ZBTB47: variants seen among roughly 807,000 people sequenced by gnomAD.
ZBTB47 encodes the protein zinc finger and BTB domain containing 47.
ZBTB47 carries 24 observed loss-of-function variants against 56.6 expected under a neutral mutation model. The observed-to-expected ratio is 0.42, with a 90% CI of 0.31 to 0.60. The LOEUF (loss-of-function observed/expected upper bound fraction) is 0.60. ZBTB47 is among the 20% of genes least tolerant of loss of function. The pLI is 0.14. For synonymous variants in ZBTB47, 414 were observed against 418.9 expected, an observed-to-expected ratio of 0.99 and a Z score of 0.14; for missense variants, 829 against 1,032.6, an observed-to-expected ratio of 0.80 and a Z score of 2.70.
rs57179407 is a variant in ZBTB47 at position 42,667,374 on chromosome 3, C to T, written c.*2776C>T. Among the ~76,000 whole-genome samples the T allele has an allele frequency of 0.025, 3,860 of 152,310 alleles. 135 individuals are homozygous for T. The highest frequency in any genetic ancestry group is 0.087 in the African/African-American group (3,609 of 41,556). Reference sequence around the variant, plus strand: ...GAACTCAAGCCCTGTGGCCACAGTTCTGGGAGCCTTCAACCCTGGCTCATG... The same window carrying T: ...GAACTCAAGCCCTGTGGCCACAGTTTTGGGAGCCTTCAACCCTGGCTCATG... On this transcript the variant is annotated 3_prime_UTR_variant, in exon 6 of 6. Transcript: ENST00000232974.
chr3:42,662,955 C>G, intron 3 of ZBTB47, 57 bp from the exon 4 acceptor site: 1 of 1,340,776 alleles, frequency 7.5e-7, no homozygotes, highest in East Asian at 2.3e-5. Flanking sequence ...CTGGGCCCAA[C>G]GTCGGGGTGC....
chr3:42,659,315 C>G lies in ZBTB47; in HGVS notation c.960C>G (p.Asp320Glu). ...SQGEEEEEEE[D>E]GHSEQEEEEE... Reference sequence around the variant, plus strand: ...GAGAAGAGGAAGAAGAGGAGGAGGACGGGCACAGTGAGCAGGAAGAGGAAG... The same window carrying G: ...GAGAAGAGGAAGAAGAGGAGGAGGAGGGGCACAGTGAGCAGGAAGAGGAAG... The change falls in exon 2 of 6, where the codon GAC becomes GAG. Residue 320 changes from aspartate (D) to glutamate (E), a missense_variant. Around this residue, in one of 6 missense-constraint regions of ZBTB47, gnomAD observed 359 missense variants for 359.8 expected, o/e 1.00. Transcript: ENST00000232974. The G allele has an allele frequency of 1.4e-6, 2 of 1,462,662 alleles. No homozygotes were observed. Among genetic ancestry groups the G allele is most frequent in the Non-Finnish European group, 9.2e-7 (1 of 1,087,086 alleles). The allele number at this position is 1,462,662 out of a possible 1,614,324, so 90.6% of individuals were successfully genotyped here.
intron 1 of ZBTB47, 52 bp from the exon 2 acceptor site, chr3:42,658,223 C>T (rs1710660794): frequency 7.0e-7 from 1 of 1,430,976 alleles, no homozygotes; most frequent in Non-Finnish European, 9.1e-7. Context: ...GGGGGAAGGG[C>T]GGGCAGGGGC....
Position 42,663,631 on chromosome 3 carries a change from C to T in ZBTB47, c.1738-166C>T, listed in dbSNP as rs1252413458. On this transcript the variant is annotated intron_variant, in intron 4 of 5. Transcript: ENST00000232974. The surrounding 1 kb of genome is among the most constrained non-coding windows in gnomAD (Gnocchi z 5.1). ...TGGCCTCTCCTCTTGTGCCCATGTA[C>T]TGCCCACCCAGATGCACCTCGGCTT... Among the ~76,000 whole-genome samples, 1 of 152,088 alleles carries T rather than the reference C, an allele frequency of 6.6e-6. No homozygotes were observed. Among genetic ancestry groups the T allele is most frequent in the Non-Finnish European group, 1.5e-5 (1 of 68,006 alleles).
At chr3:42,655,066 G>C (rs1172300073) in intron 1 of ZBTB47, among the ~76,000 whole-genome samples, 1 of 152,202 alleles carries the variant, frequency 6.6e-6, no homozygotes, top group East Asian at 1.9e-4. Flanking sequence ...GCCCTGCCTG[G>C]GGATTCGGGA....
In ZBTB47 at chr3:42,658,944, G is replaced by A. The variant is rs1710673141; in HGVS notation, c.589G>A (p.Val197Ile). Residue 197 changes from valine to isoleucine, a missense_variant, in exon 2 of 6, where the codon GTC becomes ATC. Transcript: ENST00000232974. ...CTTTAAGGAGGAGAAGGAGGGTGGT[G>A]TCGAGGAGGCCGGTGGGCCCCCAGC... ...PFFKEEKEGGVEEAGGPPASL... is the reference protein window; with the variant it reads ...PFFKEEKEGGIEEAGGPPASL... 6.7e-7 allele frequency: 1 copy of A among 1,501,336 alleles called. No homozygotes were observed. The highest frequency in any genetic ancestry group is 8.9e-7 in the Non-Finnish European group (1 of 1,129,828). 93.0% of individuals were successfully genotyped at this position (1,501,336 alleles called of 1,614,324 possible).
At chr3:42,657,617 C>T (rs972917692) in intron 1 of ZBTB47, among the ~76,000 whole-genome samples, 5 of 152,208 alleles carry the variant, frequency 3.3e-5, no homozygotes, top group Non-Finnish European at 5.9e-5. Flanking sequence ...GATTTCTTCA[C>T]AGGTTTCAAC....
Position 42,666,187 on chromosome 3 carries a change from T to A in ZBTB47, c.*1589T>A, listed in dbSNP as rs541227276. 6.6e-6 allele frequency among the ~76,000 whole-genome samples: 1 copy of A among 152,346 alleles called. No individual in the cohort carries two copies. Among genetic ancestry groups the A allele is most frequent in the South Asian group, 2.1e-4 (1 of 4,832 alleles). ...GCAGGCCCAAGGTGCCCGAGTGATC[T>A]GAGGATTTATAATCCAAGCCACACC... On this transcript the variant is annotated 3_prime_UTR_variant, in exon 6 of 6. Transcript: ENST00000232974.
At position 42,659,319 on chromosome 3, in the gene ZBTB47, C is replaced by A. The variant is rs1389960653; in HGVS notation, c.964C>A (p.His322Asn). The A allele has an allele frequency of 2.1e-6, 3 of 1,462,000 alleles. No individual in the cohort carries two copies. The highest frequency in any genetic ancestry group is 1.3e-5 in the South Asian group (1 of 79,402). 90.6% of individuals were successfully genotyped at this position (1,462,000 alleles called of 1,614,324 possible). A position where few individuals can be genotyped will look rare whatever the true frequency, so the allele number is the denominator to read the frequency against. ...GEEEEEEEDG[H>N]SEQEEEEEEE... ...AGAGGAAGAAGAGGAGGAGGACGGG[C>A]ACAGTGAGCAGGAAGAGGAAGAGGA... The change falls in exon 2 of 6, where the codon CAC becomes AAC. Residue 322 changes from histidine to asparagine, a missense_variant. By Grantham distance (68) the His-to-Asn change is moderately conservative. Transcript: ENST00000232974.
intron 1 of ZBTB47, among the ~76,000 whole-genome samples, chr3:42,657,225 C>G (rs1358129113): frequency 6.6e-6 from 1 of 152,232 alleles, no homozygotes; most frequent in African/African-American, 2.4e-5. Context: ...ATGTGGCCCA[C>G]AGGCCTGATA....
At position 42,663,183 on chromosome 3, in the gene ZBTB47, A is replaced by G; in HGVS notation, c.1737+56A>G. On this transcript the variant is annotated intron_variant, in intron 4 of 5. Transcript: ENST00000232974. The surrounding 1 kb of genome is among the most constrained non-coding windows in gnomAD (Gnocchi z 5.1). ...GAGGGGTCACCTGGGAGGGGCAGGA[A>G]TCAGGGAGCGCAGCTGCTGAAAAAC... 1 of 1,325,206 alleles carries G rather than the reference A, an allele frequency of 7.5e-7. No individual in the cohort carries two copies. Among genetic ancestry groups the G allele is most frequent in the South Asian group, 1.2e-5 (1 of 85,134 alleles). The allele number at this position is 1,325,206 out of a possible 1,614,324, so 82.1% of individuals were successfully genotyped here. A position where few individuals can be genotyped will look rare whatever the true frequency, so the allele number is the denominator to read the frequency against.
chr3:42,657,908 C>A (rs1171979866), intron 1 of ZBTB47, among the ~76,000 whole-genome samples: 1 of 152,184 alleles, frequency 6.6e-6, no homozygotes, highest in Non-Finnish European at 1.5e-5. Context: ...AAGCCCTGCA[C>A]CCCAGAAAAT....
upstream of ZBTB47, among the ~76,000 whole-genome samples, chr3:42,653,185 C>T (rs1710587537): frequency 6.6e-6 from 1 of 152,138 alleles, no homozygotes; most frequent in South Asian, 2.1e-4. Flanking sequence ...GAGGCCCTTG[C>T]AATCTTACAG....
chr3:42,663,781 C>G lies in ZBTB47; in HGVS notation c.1738-16C>G. 1 of 1,613,062 alleles carries G rather than the reference C, an allele frequency of 6.2e-7. No individual in the cohort carries two copies. Among genetic ancestry groups the G allele is most frequent in the South Asian group, 1.1e-5 (1 of 91,022 alleles). ...CTGCTCTGTGCCTGGGCCTCACCCC[C>G]AAACCCCACCCCCAGAACTGCAATG... On this transcript the variant is annotated splice_polypyrimidine_tract_variant and intron_variant, in intron 4 of 5. Coordinates refer to ENST00000232974, the MANE Select transcript of ZBTB47 (RefSeq NM_145166.4). This position sits in a 1 kb window ranked among gnomAD's most constrained non-coding sequence, Gnocchi z 5.1.
rs1228061811 is a variant in ZBTB47 at position 42,653,898 on chromosome 3, A to C, written c.-82+15A>C. On this transcript the variant is annotated intron_variant, in intron 1 of 5. Coordinates refer to ENST00000232974, the MANE Select transcript of ZBTB47 (RefSeq NM_145166.4). ...GAGGCCGCCAGGTAGGTATGGGTCC[A>C]CTGGAGCCAAGTCCTGGAGGCACAG... is the stretch of plus-strand genomic sequence containing the variant. The C allele has an allele frequency of 6.6e-6, 1 of 152,430 alleles. No individual in the cohort carries two copies. Among genetic ancestry groups the C allele is most frequent in the Non-Finnish European group, 1.5e-5 (1 of 68,230 alleles). The allele number at this position is 152,430 out of a possible 1,614,324, so 9.4% of individuals were successfully genotyped here. A position where few individuals can be genotyped will look rare whatever the true frequency, so the allele number is the denominator to read the frequency against.
At position 42,663,143 on chromosome 3, in the gene ZBTB47, C is replaced by T. The variant is rs780785688; in HGVS notation, c.1737+16C>T. 1 of 1,584,422 alleles carries T rather than the reference C, an allele frequency of 6.3e-7. No homozygotes were observed. Among genetic ancestry groups the T allele is most frequent in the Non-Finnish European group, 8.7e-7 (1 of 1,153,426 alleles). On this transcript the variant is annotated intron_variant, in intron 4 of 5. Coordinates refer to ENST00000232974, the MANE Select transcript of ZBTB47 (RefSeq NM_145166.4). This position sits in a 1 kb window ranked among gnomAD's most constrained non-coding sequence, Gnocchi z 5.1. ...CAGATGTGAGGTGAGCTTCCATCTC[C>T]TGCCTGGCCTGCCCGAGGGGTCACC...
Position 42,663,886 on chromosome 3 carries a change from C to T in ZBTB47, c.1827C>T (p.Cys609=), listed in dbSNP as rs749015145. 12 of 1,613,666 alleles carry T rather than the reference C, an allele frequency of 7.4e-6. No homozygotes were observed. In the East Asian group the frequency reaches 2.5e-4, roughly 33 times the overall value. The change falls in exon 5 of 6, where the codon TGC becomes TGT. Residue 609 remains cysteine, a synonymous_variant. Transcript: ENST00000232974. This position sits in a 1 kb window ranked among gnomAD's most constrained non-coding sequence, Gnocchi z 5.1. ...ACAAGCAGTTCATGTGCCAATGGTG[C>T]GGCAAGGACTTCAACATGAAGCAGT... The part of the protein sequence containing the change: ...IGHKQFMCQW[C]GKDFNMKQYF...
rs1262660242 is a variant in ZBTB47, at chr3:42,667,521, TGGGGCACAGCA to T, written c.*2926_*2936del. ...ACAGGCACCCCACAGCCCCAGAGCA[TGGGGCACAGCA>T]GGCATGCGAGTGAGAGGATGAAGGG... On this transcript the variant is annotated 3_prime_UTR_variant, in exon 6 of 6. Coordinates refer to ENST00000232974, the MANE Select transcript of ZBTB47 (RefSeq NM_145166.4). Among the ~76,000 whole-genome samples, 1 of 152,136 alleles carries T rather than the reference TGGGGCACAGCA, an allele frequency of 6.6e-6. No individual in the cohort carries two copies. The highest frequency in any genetic ancestry group is 1.5e-5 in the Non-Finnish European group (1 of 68,024).
chr3:42,664,054 G>A, intron 5 of ZBTB47, 113 bp downstream of exon 5: 1 of 1,475,668 alleles, frequency 6.8e-7, no homozygotes, highest in South Asian at 1.4e-5. Context: ...CTGGGCCTCC[G>A]TTTACCCATG....
Sources: allele counts gnomAD v4.1 joint callset (sites outside exome capture counted in the v4.1 genomes callset), GRCh38; gene constraint gnomAD v4.1.1; regional missense constraint gnomAD v4.1.1; non-coding constraint Gnocchi (gnomAD v3.1); transcripts MANE v1.5; gene names NCBI Gene and HGNC (gene_info 2026-07-23, HGNC 2026-07-21).